SPAG16: variants seen among roughly 807,000 people sequenced by gnomAD.
SPAG16 encodes sperm associated antigen 16, also known as sperm-associated antigen 16 protein.
Under a neutral mutation model 80.4 loss-of-function variants are expected in SPAG16, and 86 were observed. The ratio of observed to expected loss-of-function variants is 1.07; its 90% CI spans 0.90 to 1.28. The LOEUF is 1.28. SPAG16 is among the 50% of genes most tolerant of loss of function. The probability of loss-of-function intolerance (pLI) is 0.00; values close to 1 mark genes in which losing one functional copy is unlikely to be tolerated. For synonymous variants in SPAG16, 294 were observed against 265.9 expected (o/e 1.11, Z -1.03); for missense variants, 870 against 765.3 (o/e 1.14, Z -1.61).
intron 9 of SPAG16, among the ~76,000 whole-genome samples, chr2:213,459,477 A>G (rs1503380): frequency 0.095 from 14,448 of 152,230 alleles, 1,779 homozygotes; most frequent in African/African-American, 0.28. Context: ...GAGATGATTC[A>G]AAGTTTCACT....
chr2:214,258,452 T>A (rs1193833489), intron 15 of SPAG16, among the ~76,000 whole-genome samples: 1 of 130,596 alleles, frequency 7.7e-6, no homozygotes, highest in African/African-American at 2.6e-5. Context: ...TCCCACAGTG[T>A]GTGTATGTAT....
chr2:213,957,882 C>T (rs1414564293), intron 12 of SPAG16, among the ~76,000 whole-genome samples: 2 of 152,126 alleles, frequency 1.3e-5, no homozygotes, highest in Non-Finnish European at 2.9e-5. Flanking sequence ...AAGTCTCTTT[C>T]TGGTAAGTGG....
chr2:214,028,103 A>G (rs891571551), intron 13 of SPAG16, among the ~76,000 whole-genome samples: 1 of 151,902 alleles, frequency 6.6e-6, no homozygotes, highest in Non-Finnish European at 1.5e-5. Flanking sequence ...GAGCTAGCAT[A>G]CTACTGTGCC....
chr2:214,358,700 T>C (rs1416289191), intron 15 of SPAG16, among the ~76,000 whole-genome samples: 2 of 151,848 alleles, frequency 1.3e-5, no homozygotes, highest in African/African-American at 2.4e-5. Flanking sequence ...AGTGGCTTTC[T>C]TTGATCATGG....
chr2:213,292,692 A>AAAAAC (rs142889153), intron 1 of SPAG16, among the ~76,000 whole-genome samples: 29 of 135,906 alleles, frequency 2.1e-4, no homozygotes, highest in South Asian at 2.2e-4. Context: ...AAACAAAAAA[A>AAAAAC]AACAAAACTA....
At chr2:213,559,601 G>A (rs1193491211) in intron 10 of SPAG16, among the ~76,000 whole-genome samples, 2 of 151,992 alleles carry the variant, frequency 1.3e-5, no homozygotes, top group African/African-American at 4.8e-5. Context: ...TAAAATTATA[G>A]TGCATATATT....
At chr2:213,651,793 G>T (rs1197258161) in intron 10 of SPAG16, among the ~76,000 whole-genome samples, 2 of 152,052 alleles carry the variant, frequency 1.3e-5, no homozygotes, top group African/African-American at 4.8e-5. Flanking sequence ...GGTATTGTGT[G>T]TATACAATTG....
intron 15 of SPAG16, among the ~76,000 whole-genome samples, chr2:214,366,697 T>A (rs1031954714): frequency 6.6e-6 from 1 of 152,108 alleles, no homozygotes. Flanking sequence ...GCTGCCTGAA[T>A]GAGCTTCTAA....
chr2:213,863,717 G>A (rs768632486), intron 11 of SPAG16, among the ~76,000 whole-genome samples: 12 of 152,000 alleles, frequency 7.9e-5, no homozygotes, highest in Non-Finnish European at 1.6e-4. Context: ...CGCTTATGTA[G>A]CTACTGGGCA....
intron 9 of SPAG16, among the ~76,000 whole-genome samples, chr2:213,419,370 A>G (rs578248535): frequency 3.9e-5 from 6 of 152,162 alleles, no homozygotes; most frequent in African/African-American, 1.4e-4. Context: ...TGCCCTTTCC[A>G]CGCTCCTCAT....
chr2:213,705,113 AG>A (rs1167749806), intron 10 of SPAG16, among the ~76,000 whole-genome samples: 1 of 151,832 alleles, frequency 6.6e-6, no homozygotes, highest in African/African-American at 2.4e-5. Flanking sequence ...AACAAAAATT[AG>A]GGGGGTGCCT....
At chr2:214,385,256 G>GGGT (rs146246047) in intron 15 of SPAG16, among the ~76,000 whole-genome samples, 3,793 of 152,238 alleles carry the variant, frequency 0.025, 171 homozygotes, top group African/African-American at 0.086. Flanking sequence ...TTGTAAAATG[G>GGGT]GGTGAAAGAT....
At chr2:213,944,899 G>A (rs565533728) in intron 12 of SPAG16, among the ~76,000 whole-genome samples, 48 of 152,134 alleles carry the variant, frequency 3.2e-4, no homozygotes, top group African/African-American at 8.7e-4. Context: ...TTAGCCGGGC[G>A]TGGGGGCGTG....
At chr2:213,743,577 A>G (rs930502090) in intron 10 of SPAG16, among the ~76,000 whole-genome samples, 4 of 152,192 alleles carry the variant, frequency 2.6e-5, no homozygotes, top group African/African-American at 7.2e-5. Flanking sequence ...TAATTCTCTG[A>G]CACCTGACTT....
intron 15 of SPAG16, among the ~76,000 whole-genome samples, chr2:214,305,818 T>C (rs1393576546): frequency 6.6e-6 from 1 of 152,170 alleles, no homozygotes; most frequent in East Asian, 1.9e-4. Context: ...TGCCTCCAGC[T>C]TTGTTCTTTT....
At chr2:214,347,739 T>C (rs1367529001) in intron 15 of SPAG16, among the ~76,000 whole-genome samples, 2 of 152,172 alleles carry the variant, frequency 1.3e-5, no homozygotes, top group Non-Finnish European at 2.9e-5. Context: ...CATAAATTGA[T>C]ATATAAGCAA....
intron 12 of SPAG16, among the ~76,000 whole-genome samples, chr2:213,980,733 G>T (rs549685330): frequency 0.067 from 6,933 of 103,926 alleles, 295 homozygotes; most frequent in Non-Finnish European, 0.09. Context: ...TATAGAGAGA[G>T]AGAGAGAGAG....
In SPAG16 at chr2:213,284,538, T is replaced by C. The variant is rs745321055; in HGVS notation, c.55T>C (p.Leu19=). 3.1e-6 allele frequency: 5 copies of C among 1,601,898 alleles called. No homozygotes were observed. The highest frequency in any genetic ancestry group is 1.7e-6 in the Non-Finnish European group (2 of 1,174,604). Residue 19 remains leucine, a synonymous_variant, in exon 1 of 16, where the codon TTG becomes CTG. Coordinates refer to ENST00000331683, the MANE Select transcript of SPAG16 (RefSeq NM_024532.5). The part of the protein sequence containing the change: ...SSAVRVLEEA[L]GMGLTAAGDA... ...CGCCGTGAGGGTCCTGGAAGAGGCG[T>C]TGGGCATGGGTTTGACGGCAGCCGG...
chr2:214,268,282 G>A (rs1446707545), intron 15 of SPAG16, among the ~76,000 whole-genome samples: 4 of 151,676 alleles, frequency 2.6e-5, no homozygotes, highest in African/African-American at 9.7e-5. Flanking sequence ...TGAGATCCAG[G>A]AATCTCAGTA....
Sources: allele counts gnomAD v4.1 joint callset (sites outside exome capture counted in the v4.1 genomes callset), GRCh38; gene constraint gnomAD v4.1.1; transcripts MANE v1.5; gene names NCBI Gene and HGNC (gene_info 2026-07-23, HGNC 2026-07-21).